The following SAFB2 variants were observed in gnomAD, a reference collection of about 807,000 sequenced individuals.
SAFB2 encodes the protein scaffold attachment factor B2.
SAFB2 carries 32 observed loss-of-function variants against 100.6 expected under a neutral mutation model. That is an observed-to-expected ratio of 0.32 (90% CI 0.24 to 0.43). SAFB2 has a LOEUF of 0.43. SAFB2 is among the 20% of genes least tolerant of loss of function. The pLI, the probability that SAFB2 is intolerant of heterozygous loss-of-function variation, is 1.00. For synonymous variants in SAFB2, 500 were observed against 439.4 expected, an observed-to-expected ratio of 1.14 and a Z score of -1.72; for missense variants, 1,185 against 1,163.4, an observed-to-expected ratio of 1.02 and a Z score of -0.27.
chr19:5,587,899 G>A lies in SAFB2; in HGVS notation c.2607C>T (p.Gly869=), dbSNP rs369226464. The part of the protein sequence containing the change: ...ARAWQGAMDA[G]AASREHARWQ... Reference sequence around the variant, plus strand: ...ACCTGGCGTGCTCCCGGCTAGCCGCGCCTGCGTCCATGGCACCCTGCCAGG... The same window carrying A: ...ACCTGGCGTGCTCCCGGCTAGCCGCACCTGCGTCCATGGCACCCTGCCAGG... Residue 869 remains glycine (G), a synonymous_variant, in exon 19 of 21, where the codon GGC becomes GGT. Coordinates refer to ENST00000252542, the MANE Select transcript of SAFB2 (RefSeq NM_014649.3). The surrounding 1 kb of genome is among the most constrained non-coding windows in gnomAD (Gnocchi z 4.9). 15 of 1,612,262 alleles carry A rather than the reference G, an allele frequency of 9.3e-6. No individual in the cohort carries two copies. The highest frequency in any genetic ancestry group is 1.3e-5 in the African/African-American group (1 of 74,942).
rs200948787 is a variant in SAFB2, at chr19:5,621,400, T to C, written c.187-4A>G. ...CTTGCCCCTCTTCTTTAACCGCCTA[T>C]TAGGGAGAGATGAGTTTTACAACAT... On this transcript the variant is annotated splice_polypyrimidine_tract_variant and splice_region_variant and intron_variant, in intron 1 of 20. Transcript: ENST00000252542. 6.3e-7 allele frequency: 1 copy of C among 1,593,914 alleles called. No individual in the cohort carries two copies. Among genetic ancestry groups the C allele is most frequent in the South Asian group, 1.1e-5 (1 of 90,680 alleles).
intron 9 of SAFB2, among the ~76,000 whole-genome samples, chr19:5,607,660 C>T (rs1210066924): frequency 6.6e-6 from 1 of 152,230 alleles, no homozygotes; most frequent in Non-Finnish European, 1.5e-5. Flanking sequence ...GTAGATCTAA[C>T]GCCAAGCCCA....
At chr19:5,592,025 C>T (rs927500804) in intron 16 of SAFB2, among the ~76,000 whole-genome samples, 5 of 152,174 alleles carry the variant, frequency 3.3e-5, no homozygotes, top group Admixed American at 6.5e-5. Flanking sequence ...TAAAATTCCT[C>T]GGGGAGCTCT....
intron 6 of SAFB2, chr19:5,611,950 A>G (rs2052917439): frequency 2.1e-6 from 1 of 474,546 alleles, no homozygotes; most frequent in Admixed American, 3.3e-5. Flanking sequence ...TCCAATGTCC[A>G]AGGTGCTGAA....
chr19:5,592,704 G>A lies in SAFB2; in HGVS notation c.2348+43C>T, dbSNP rs1292994498. 3 of 1,609,110 alleles carry A rather than the reference G, an allele frequency of 1.9e-6. No individual in the cohort carries two copies. The East Asian group carries it at 6.7e-5, about 36-fold the overall frequency. ...AACGAGGTCAGCTGGATGCCCCGGT[G>A]CCCACAATGACTGTAGCTAAAGGAG... On this transcript the variant is annotated intron_variant, in intron 16 of 20. Coordinates refer to ENST00000252542, the MANE Select transcript of SAFB2 (RefSeq NM_014649.3).
chr19:5,605,262 G>A (rs571537318), intron 9 of SAFB2, among the ~76,000 whole-genome samples: 1 of 151,902 alleles, frequency 6.6e-6, no homozygotes, highest in East Asian at 1.9e-4. Context: ...CCGCCACCAC[G>A]CCTGGCTAAT....
rs756211731 is a variant in SAFB2 at position 5,587,569 on chromosome 19, T to C, written c.2705+132A>G. 9.0e-5 allele frequency: 131 copies of C among 1,449,420 alleles called. No individual in the cohort carries two copies. Among genetic ancestry groups the C allele is most frequent in the Non-Finnish European group, 1.1e-4 (121 of 1,091,374 alleles). The allele number at this position is 1,449,420 out of a possible 1,614,324, so 89.8% of individuals were successfully genotyped here. On this transcript the variant is annotated intron_variant, in intron 20 of 20. Transcript: ENST00000252542. This position sits in a 1 kb window ranked among gnomAD's most constrained non-coding sequence, Gnocchi z 4.9. ...AGGTAACTCAAGAGCGTTATTTGCA[T>C]AAATTGCAAAGAGCTGCTTTTTGCT...
intron 8 of SAFB2, 78 bp from the exon 9 acceptor site, chr19:5,610,173 C>A: frequency 8.5e-7 from 1 of 1,177,334 alleles, no homozygotes; most frequent in Non-Finnish European, 1.3e-6. Context: ...CCGCAGCCCT[C>A]TTTAAAAACC....
intron 15 of SAFB2, 163 bp downstream of exon 15, chr19:5,593,728 A>C: frequency 1.4e-6 from 1 of 693,120 alleles, no homozygotes; most frequent in Non-Finnish European, 2.2e-6. Flanking sequence ...ATAAACCTGC[A>C]GCAGCGCAGT....
intron 13 of SAFB2, chr19:5,598,480 G>C: frequency 2.7e-6 from 1 of 367,932 alleles, no homozygotes; most frequent in Non-Finnish European, 5.1e-6. Flanking sequence ...AGTAGGACCT[G>C]CCTTCCGGCT....
In SAFB2 at chr19:5,594,071, C is replaced by A. The variant is rs756852859; in HGVS notation, c.2027G>T (p.Arg676Leu). 4.4e-6 allele frequency: 7 copies of A among 1,593,640 alleles called. No individual in the cohort carries two copies. Among genetic ancestry groups the A allele is most frequent in the Non-Finnish European group, 5.1e-6 (6 of 1,175,192 alleles). ...CCGCTCCATGCGCTCCCGCTCCAGC[C>A]GCTGGCGCTGGCACTCGAGCTGCAG... ...ERLQLECQRQ[R>L]LERERMERER... Residue 676 changes from arginine (R) to leucine (L), a missense_variant, in exon 15 of 21, where the codon CGG becomes CTG. Around this residue, in one of 3 missense-constraint regions of SAFB2, gnomAD observed 740 missense variants for 687.1 expected, o/e 1.08. Transcript: ENST00000252542.
At chr19:5,618,692 T>C (rs1321209068) in intron 2 of SAFB2, among the ~76,000 whole-genome samples, 1 of 152,160 alleles carries the variant, frequency 6.6e-6, no homozygotes, top group East Asian at 1.9e-4. Context: ...GGCCCCTAAA[T>C]AGTAGCCTGC....
intron 15 of SAFB2, 61 bp from the exon 16 acceptor site, chr19:5,592,948 G>A (rs1795531647): frequency 6.5e-6 from 10 of 1,536,410 alleles, no homozygotes; most frequent in Middle Eastern, 1.7e-4. Context: ...GAGGAAAAAA[G>A]GAGGAGGTGG....
At position 5,604,931 on chromosome 19, in the gene SAFB2, G is replaced by C. The variant is rs540916569; in HGVS notation, c.1302C>G (p.Val434=). ...GGGCGTTCGTTACCACTTTGGCCCC[G>C]ACAACCTTCATGAAAAAGGGCACTC... The part of the protein sequence containing the change: ...KNLFSKYGKV[V]GAKVVTNARS... The change falls in exon 10 of 21, where the codon GTC becomes GTG. Residue 434 remains valine (V), a synonymous_variant. Transcript: ENST00000252542. The C allele has an allele frequency of 2.5e-6, 4 of 1,612,226 alleles. No individual in the cohort carries two copies. The highest frequency in any genetic ancestry group is 3.4e-6 in the Non-Finnish European group (4 of 1,179,890).
intron 4 of SAFB2, among the ~76,000 whole-genome samples, chr19:5,615,732 A>C (rs1345221307): frequency 6.6e-6 from 1 of 152,110 alleles, no homozygotes; most frequent in East Asian, 1.9e-4. Flanking sequence ...GCTTCTTAAA[A>C]CTGTATTTTA....
At chr19:5,612,497 G>A in intron 6 of SAFB2, 43 bp downstream of exon 6, 2 of 1,575,102 alleles carry the variant, frequency 1.3e-6, no homozygotes, top group South Asian at 2.2e-5. Flanking sequence ...ATAATAGTGT[G>A]AAAACTTTCA....
chr19:5,617,507 G>C (rs905512826), intron 2 of SAFB2, among the ~76,000 whole-genome samples: 2 of 152,086 alleles, frequency 1.3e-5, no homozygotes, highest in Non-Finnish European at 1.5e-5. Context: ...ATCTGACAAG[G>C]AGTTCAAAAC....
At position 5,590,261 on chromosome 19, in the gene SAFB2, G is replaced by T; in HGVS notation, c.2525+17C>A. ...TAGGACAGATGCTCCCCACCCGGCT[G>T]GGGCTCACCCACTAACCTGGGGGGA... On this transcript the variant is annotated intron_variant, in intron 18 of 20. Transcript: ENST00000252542. 2 of 1,567,070 alleles carry T rather than the reference G, an allele frequency of 1.3e-6. No homozygotes were observed. Among genetic ancestry groups the T allele is most frequent in the East Asian group, 2.3e-5 (1 of 42,602 alleles).
intron 5 of SAFB2, among the ~76,000 whole-genome samples, chr19:5,613,112 CCT>C (rs1423073129): frequency 1.3e-5 from 2 of 152,138 alleles, no homozygotes; most frequent in Admixed American, 6.5e-5. Context: ...TGTGTGCTCC[CCT>C]CTCTCTTTTG....
Sources: allele counts gnomAD v4.1 joint callset (sites outside exome capture counted in the v4.1 genomes callset), GRCh38; gene constraint gnomAD v4.1.1; regional missense constraint gnomAD v4.1.1; non-coding constraint Gnocchi (gnomAD v3.1); transcripts MANE v1.5; gene names NCBI Gene and HGNC (gene_info 2026-07-23, HGNC 2026-07-21).